NOS2: variants seen among roughly 807,000 people sequenced by gnomAD.
NOS2 encodes nitric oxide synthase 2.
NOS2 carries 96 observed loss-of-function variants against 136.0 expected under a neutral mutation model. The observed-to-expected ratio is 0.71, with a 90% confidence interval of 0.60 to 0.84. NOS2 has a LOEUF of 0.84. Ranked by LOEUF, NOS2 falls within the 40% of genes least tolerant of loss-of-function variation. The probability of loss-of-function intolerance (pLI) is 0.00; values close to 1 mark genes in which losing one functional copy is unlikely to be tolerated. For synonymous variants in NOS2, 539 were observed against 587.5 expected (o/e 0.92, Z 1.20); for missense variants, 1,237 against 1,496.9 (o/e 0.83, Z 2.87).
Position 27,798,883 on chromosome 17 carries a change from C to A in NOS2, c.-73-1G>T. ...AGCTCAGATGTTCTTCACTGTGGGGCTGAAGAAGGGAAGCAGAGGTGAGGG... is the reference window on the plus strand; with the variant it reads ...AGCTCAGATGTTCTTCACTGTGGGGATGAAGAAGGGAAGCAGAGGTGAGGG... On this transcript the variant is annotated splice_acceptor_variant, in intron 1 of 26. Coordinates refer to ENST00000313735, the MANE Select transcript of NOS2 (RefSeq NM_000625.4). LOFTEE classifies it low-confidence loss of function (5UTR_SPLICE). 2.1e-6 allele frequency: 2 copies of A among 957,212 alleles called. No individual in the cohort carries two copies. Among genetic ancestry groups the A allele is most frequent in the Non-Finnish European group, 1.7e-6 (1 of 585,044 alleles). The allele number at this position is 957,212 out of a possible 1,614,324, so 59.3% of individuals were successfully genotyped here. A position where few individuals can be genotyped will look rare whatever the true frequency, so the allele number is the denominator to read the frequency against.
intron 5 of NOS2, among the ~76,000 whole-genome samples, chr17:27,785,182 C>G (rs771881128): frequency 1.1e-4 from 16 of 152,206 alleles, no homozygotes; most frequent in Non-Finnish European, 1.9e-4. Flanking sequence ...TACATCTCTT[C>G]TGTGGATTTC....
chr17:27,772,222 C>T, intron 14 of NOS2, 86 bp downstream of exon 14: 1 of 1,459,424 alleles, frequency 6.9e-7, no homozygotes, highest in Non-Finnish European at 9.5e-7. Context: ...TCTGAGACAT[C>T]CAGGAGTGGG....
At chr17:27,767,625 C>A in intron 18 of NOS2, 80 bp downstream of exon 18, 3 of 1,522,090 alleles carry the variant, frequency 2.0e-6, no homozygotes, top group Non-Finnish European at 2.7e-6. Flanking sequence ...TTCAGAAAGA[C>A]CTGGGGGTCT....
At chr17:27,786,988 T>C (rs1321034143) in intron 5 of NOS2, among the ~76,000 whole-genome samples, 3 of 152,176 alleles carry the variant, frequency 2.0e-5, no homozygotes, top group Admixed American at 2.0e-4. Flanking sequence ...CAATTGGCCA[T>C]AGAAATGAAG....
chr17:27,780,003 C>G (rs954438113), intron 9 of NOS2, among the ~76,000 whole-genome samples: 1 of 152,176 alleles, frequency 6.6e-6, no homozygotes, highest in Non-Finnish European at 1.5e-5. Context: ...AACTTGTAGT[C>G]TAATGTCTAG....
intron 18 of NOS2, 82 bp from the exon 19 acceptor site, chr17:27,766,670 G>A: frequency 1.8e-6 from 2 of 1,100,464 alleles, no homozygotes; most frequent in South Asian, 2.5e-5. Flanking sequence ...CTGAGTCAGT[G>A]ACATCTGAAC....
chr17:27,797,884 T>G (rs1909403775), intron 2 of NOS2, among the ~76,000 whole-genome samples: 1 of 152,158 alleles, frequency 6.6e-6, no homozygotes, highest in Non-Finnish European at 1.5e-5. Flanking sequence ...TAATTACCGG[T>G]CATTCAGGCT....
intron 2 of NOS2, among the ~76,000 whole-genome samples, chr17:27,792,775 T>A (rs1397275764): frequency 8.4e-6 from 1 of 119,088 alleles, no homozygotes; most frequent in Non-Finnish European, 1.6e-5. Flanking sequence ...GCCCAGGAGT[T>A]CAAGACCAGC....
In NOS2 at chr17:27,780,900, T is replaced by C. The variant is rs776938583; in HGVS notation, c.871A>G (p.Ile291Val). 3 of 1,612,784 alleles carry C rather than the reference T, an allele frequency of 1.9e-6. No homozygotes were observed. Among genetic ancestry groups the C allele is most frequent in the Non-Finnish European group, 1.7e-6 (2 of 1,179,324 alleles). ...TACTTGGGCTTCCAGCCCAGGTCGA[T>C]GCACAGCTGGGGAACAAGACGGGCC... ...PANVEFTQLC[I>V]DLGWKPKYGR... The change falls in exon 9 of 27, where the codon ATC (isoleucine) becomes GTC (valine). Residue 291 changes from isoleucine (I) to valine (V), a missense_variant. By Grantham distance (29) the Ile-to-Val change is conservative. Transcript: ENST00000313735.
At chr17:27,777,980 T>C (rs2151330452) in intron 11 of NOS2, among the ~76,000 whole-genome samples, 1 of 151,432 alleles carries the variant, frequency 6.6e-6, no homozygotes, top group East Asian at 1.9e-4. Flanking sequence ...AGGTCAAGGC[T>C]GCAGTGATCA....
intron 17 of NOS2, among the ~76,000 whole-genome samples, chr17:27,768,452 G>A (rs1479847008): frequency 1.3e-5 from 2 of 152,186 alleles, no homozygotes; most frequent in Non-Finnish European, 2.9e-5. Flanking sequence ...ACATGGAGGA[G>A]GCCTGGGCTT....
intron 3 of NOS2, among the ~76,000 whole-genome samples, chr17:27,789,246 G>C (rs764948148): frequency 3.9e-5 from 6 of 152,204 alleles, no homozygotes; most frequent in Non-Finnish European, 8.8e-5. Context: ...ACTGAGAACA[G>C]AAAGGCACCA....
At chr17:27,763,523 G>A (rs1908203635) in intron 21 of NOS2, among the ~76,000 whole-genome samples, 1 of 152,200 alleles carries the variant, frequency 6.6e-6, no homozygotes. Flanking sequence ...GACAACCAGT[G>A]CCTTTTGCAA....
intron 11 of NOS2, among the ~76,000 whole-genome samples, chr17:27,777,354 T>A (rs1270203932): frequency 6.6e-6 from 1 of 152,178 alleles, no homozygotes; most frequent in Non-Finnish European, 1.5e-5. Context: ...AGTATCTTCC[T>A]ACATCTCAGG....
At chr17:27,776,950 GAC>G (rs1306201968) in intron 11 of NOS2, among the ~76,000 whole-genome samples, 1 of 152,192 alleles carries the variant, frequency 6.6e-6, no homozygotes, top group East Asian at 1.9e-4. Context: ...GCAGTGGAAG[GAC>G]ACAGTCAGCC....
chr17:27,791,575 C>G (rs147030991), intron 2 of NOS2, among the ~76,000 whole-genome samples: 225 of 152,124 alleles, frequency 1.5e-3, no homozygotes, highest in African/African-American at 5.2e-3. Context: ...TGATCCTTGG[C>G]TATAAATTCC....
chr17:27,789,738 G>T, intron 2 of NOS2, 50 bp from the exon 3 acceptor site: 1 of 1,298,338 alleles, frequency 7.7e-7, no homozygotes, highest in Non-Finnish European at 1.1e-6. Context: ...GGGTGGAGGG[G>T]CATCTTGGAG....
intron 6 of NOS2, 128 bp from the exon 7 acceptor site, chr17:27,782,234 C>A: frequency 1.3e-6 from 1 of 769,584 alleles, no homozygotes; most frequent in East Asian, 2.7e-5. Context: ...AACACCATGC[C>A]GAAGAGTGCA....
At chr17:27,772,859 C>T (rs1018158976) in intron 13 of NOS2, among the ~76,000 whole-genome samples, 1 of 152,054 alleles carries the variant, frequency 6.6e-6, no homozygotes, top group Non-Finnish European at 1.5e-5. Flanking sequence ...CACTGCGAGA[C>T]CCCGTCTCTA....
Sources: gnomAD v4.1 joint callset for allele counts (sites outside exome capture counted in the v4.1 genomes callset) on GRCh38, gnomAD v4.1.1 for gene constraint, MANE v1.5 for transcripts, NCBI Gene and HGNC (gene_info 2026-07-23, HGNC 2026-07-21) for gene names.